Variants in ALK observed in about 807,000 individuals in gnomAD.
ALK encodes ALK tyrosine kinase receptor.
ALK carries 74 observed loss-of-function variants against 163.1 expected under a neutral mutation model. The observed-to-expected ratio is 0.45, with a 90% CI of 0.38 to 0.55. The LOEUF (loss-of-function observed/expected upper bound fraction) is 0.55, where lower values mean the gene tolerates loss of function less well. Ranked by LOEUF, ALK falls within the 20% of genes least tolerant of loss-of-function variation. ALK has a pLI of 0.00. For synonymous variants in ALK, 960 were observed against 843.2 expected, an observed-to-expected ratio of 1.14 and a Z score of -2.40; for missense variants, 2,063 against 2,105.3, an observed-to-expected ratio of 0.98 and a Z score of 0.39.
chr2:29,871,999 G>A (rs1666589725), intron 1 of ALK, among the ~76,000 whole-genome samples: 1 of 152,156 alleles, frequency 6.6e-6, no homozygotes, highest in African/African-American at 2.4e-5. Context: ...CCAAGCCCTA[G>A]ACTGGGTATC....
intron 6 of ALK, among the ~76,000 whole-genome samples, chr2:29,327,598 C>A (rs960579078): frequency 3.3e-5 from 5 of 152,110 alleles, no homozygotes; most frequent in Non-Finnish European, 5.9e-5. Context: ...CTACAGGTTC[C>A]TTTTCGGGGT....
At chr2:29,599,070 T>C (rs1262075655) in intron 3 of ALK, among the ~76,000 whole-genome samples, 2 of 152,054 alleles carry the variant, frequency 1.3e-5, no homozygotes, top group Admixed American at 6.6e-5. Flanking sequence ...TAAAATGATA[T>C]AGCTGTGTCA....
At chr2:29,450,789 G>A (rs1355781761) in intron 4 of ALK, among the ~76,000 whole-genome samples, 1 of 152,124 alleles carries the variant, frequency 6.6e-6, no homozygotes, top group Non-Finnish European at 1.5e-5. Flanking sequence ...AGGTTAGAAA[G>A]CTGAAAAGGA....
intron 1 of ALK, among the ~76,000 whole-genome samples, chr2:29,838,786 G>A (rs560485139): frequency 6.6e-6 from 1 of 152,282 alleles, no homozygotes; most frequent in South Asian, 2.1e-4. Context: ...CAAGGGGCAT[G>A]AGGAACCTTT....
intron 1 of ALK, among the ~76,000 whole-genome samples, chr2:29,849,907 CT>C (rs557237286): frequency 3.3e-5 from 5 of 152,060 alleles, no homozygotes; most frequent in Admixed American, 6.6e-5. Context: ...ATTTAGTATT[CT>C]TTTTTTATTT....
At chr2:29,386,381 T>C (rs1359358315) in intron 4 of ALK, among the ~76,000 whole-genome samples, 1 of 152,136 alleles carries the variant, frequency 6.6e-6, no homozygotes, top group Non-Finnish European at 1.5e-5. Flanking sequence ...GGGCTTTCGG[T>C]TTAAATGAGG....
At chr2:29,240,597 ACTC>A (rs936494741) in intron 12 of ALK, among the ~76,000 whole-genome samples, 6 of 152,148 alleles carry the variant, frequency 3.9e-5, no homozygotes, top group African/African-American at 1.2e-4. Context: ...CTCACTGGTA[ACTC>A]CTCCTGGAGA....
chr2:29,642,264 T>C (rs911725193), intron 3 of ALK, among the ~76,000 whole-genome samples: 7 of 152,198 alleles, frequency 4.6e-5, no homozygotes, highest in Admixed American at 2.6e-4. Context: ...CCTTATTTCC[T>C]ATAGTTCAGG....
At chr2:29,536,544 T>A (rs1170337328) in intron 3 of ALK, among the ~76,000 whole-genome samples, 1 of 152,168 alleles carries the variant, frequency 6.6e-6, no homozygotes, top group African/African-American at 2.4e-5. Context: ...GCCTTAGGTA[T>A]TCCTTTACAG....
At chr2:29,337,043 C>T (rs1244608529) in intron 5 of ALK, among the ~76,000 whole-genome samples, 4 of 152,070 alleles carry the variant, frequency 2.6e-5, no homozygotes, top group Admixed American at 2.6e-4. Flanking sequence ...ATCAGGCTCT[C>T]AACAGCCTCA....
chr2:29,389,642 G>A (rs1669113877), intron 4 of ALK, among the ~76,000 whole-genome samples: 1 of 152,188 alleles, frequency 6.6e-6, no homozygotes, highest in South Asian at 2.1e-4. Flanking sequence ...ACATATTTCT[G>A]TTAAATCAGA....
chr2:29,436,729 C>T (rs1670409906), intron 4 of ALK, among the ~76,000 whole-genome samples: 2 of 152,292 alleles, frequency 1.3e-5, no homozygotes, highest in East Asian at 3.9e-4. Flanking sequence ...AATTCAATTT[C>T]CACTCTGCAC....
At chr2:29,662,443 A>G (rs1201267876) in intron 3 of ALK, among the ~76,000 whole-genome samples, 1 of 152,162 alleles carries the variant, frequency 6.6e-6, no homozygotes, top group Non-Finnish European at 1.5e-5. Flanking sequence ...AGTTGCCCCA[A>G]AAGTGAAATT....
intron 1 of ALK, among the ~76,000 whole-genome samples, chr2:29,876,309 GTGGTGA>G (rs1352000812): frequency 2.7e-5 from 4 of 145,482 alleles, no homozygotes; most frequent in East Asian, 1.9e-4. Flanking sequence ...GATGACAGTG[GTGGTGA>G]TGGTGATGGT....
chr2:29,845,394 G>A (rs1056328230), intron 1 of ALK, among the ~76,000 whole-genome samples: 120 of 152,192 alleles, frequency 7.9e-4, no homozygotes, highest in African/African-American at 2.6e-3. Context: ...ATTACAAAAG[G>A]TGAGACAGGT....
chr2:29,689,102 C>G (rs1007142485), intron 3 of ALK, among the ~76,000 whole-genome samples: 1 of 152,162 alleles, frequency 6.6e-6, no homozygotes, highest in African/African-American at 2.4e-5. Flanking sequence ...AACTTGCTCT[C>G]CAGAAACAGT....
chr2:29,847,247 T>A (rs143191995), intron 1 of ALK, among the ~76,000 whole-genome samples: 2 of 152,220 alleles, frequency 1.3e-5, no homozygotes, highest in East Asian at 3.9e-4. Context: ...CACCACACAG[T>A]TGGCAAAAGT....
chr2:29,464,947 T>C (rs190591094), intron 4 of ALK, among the ~76,000 whole-genome samples: 21 of 152,266 alleles, frequency 1.4e-4, no homozygotes, highest in African/African-American at 5.1e-4. Context: ...ATTAACAGAA[T>C]ATCAGTGACA....
At chr2:29,874,307 T>C (rs1666650330) in intron 1 of ALK, among the ~76,000 whole-genome samples, 1 of 140,792 alleles carries the variant, frequency 7.1e-6, no homozygotes, top group Admixed American at 7.6e-5. Context: ...GTACGAAAAG[T>C]GCTGTGTTCG....
Sources: allele counts gnomAD v4.1 joint callset (sites outside exome capture counted in the v4.1 genomes callset), GRCh38; gene constraint gnomAD v4.1.1; transcripts MANE v1.5; gene names NCBI Gene and HGNC (gene_info 2026-07-23, HGNC 2026-07-21).